The following MACROD2 variants were observed in gnomAD, a reference collection of about 807,000 sequenced individuals.
MACROD2 encodes mono-ADP ribosylhydrolase 2, also known as ADP-ribose glycohydrolase MACROD2.
In MACROD2, 36 loss-of-function variants were observed where a neutral mutation model predicts 70.4. The observed-to-expected ratio is 0.51, with a 90% confidence interval of 0.39 to 0.68. MACROD2 has a LOEUF of 0.68. Ranked by LOEUF, MACROD2 falls within the 30% of genes least tolerant of loss-of-function variation. The probability of loss-of-function intolerance (pLI) is 0.00; values close to 1 mark genes in which losing one functional copy is unlikely to be tolerated. For missense variants in MACROD2, 496 were observed against 538.4 expected, an observed-to-expected ratio of 0.92 and a Z score of 0.78; for synonymous variants, 172 against 178.8, an observed-to-expected ratio of 0.96 and a Z score of 0.30.
intron 7 of MACROD2, among the ~76,000 whole-genome samples, chr20:15,491,438 A>G: frequency 6.6e-6 from 1 of 152,226 alleles, no homozygotes; most frequent in South Asian, 2.1e-4. Context: ...ACCCCCAAAA[A>G]GCAGATTTAA....
chr20:15,158,946 A>G (rs964650255), intron 5 of MACROD2, among the ~76,000 whole-genome samples: 4 of 152,048 alleles, frequency 2.6e-5, no homozygotes, highest in African/African-American at 7.2e-5. Context: ...TTTTCCTTTA[A>G]TCTCCATTTC....
At chr20:15,857,501 G>A (rs2064370580) in intron 8 of MACROD2, among the ~76,000 whole-genome samples, 1 of 152,192 alleles carries the variant, frequency 6.6e-6, no homozygotes, top group Non-Finnish European at 1.5e-5. Context: ...AGAACATGTG[G>A]CAGAAGAACC....
At chr20:14,679,262 C>T (rs2070900265) in intron 4 of MACROD2, among the ~76,000 whole-genome samples, 1 of 152,070 alleles carries the variant, frequency 6.6e-6, no homozygotes, top group Non-Finnish European at 1.5e-5. Flanking sequence ...AAAGAGAAAA[C>T]ATTTGAAATA....
chr20:14,057,429 C>A (rs190037880), intron 2 of MACROD2, among the ~76,000 whole-genome samples: 22 of 152,186 alleles, frequency 1.4e-4, no homozygotes, highest in African/African-American at 5.3e-4. Context: ...GGACAGACAA[C>A]CCAATAGAAT....
chr20:15,702,989 C>CAA (rs2146900156), intron 8 of MACROD2, among the ~76,000 whole-genome samples: 1 of 152,216 alleles, frequency 6.6e-6, no homozygotes, highest in South Asian at 2.1e-4. Flanking sequence ...AAGCCACACA[C>CAA]CTGCAATTAA....
intron 15 of MACROD2, among the ~76,000 whole-genome samples, chr20:16,023,473 C>CA (rs60347463): frequency 0.54 from 38,554 of 71,242 alleles, 10,977 homozygotes; most frequent in Middle Eastern, 0.69. Flanking sequence ...GACTCCATCT[C>CA]AAAAAAAAAA....
intron 16 of MACROD2, 82 bp from the exon 17 acceptor site, chr20:16,044,489 T>C (rs1046821882): frequency 3.5e-6 from 4 of 1,157,766 alleles, no homozygotes; most frequent in Admixed American, 2.1e-5. Context: ...ATCAGGAAAG[T>C]ATCAAATCAT....
intron 3 of MACROD2, among the ~76,000 whole-genome samples, chr20:14,189,773 C>T (rs965740664): frequency 1.3e-5 from 2 of 152,134 alleles, no homozygotes; most frequent in African/African-American, 4.8e-5. Flanking sequence ...GATCTCTCAA[C>T]TGTATTCTAT....
At chr20:15,048,496 C>T (rs528818060) in intron 5 of MACROD2, among the ~76,000 whole-genome samples, 1 of 151,776 alleles carries the variant, frequency 6.6e-6, no homozygotes, top group African/African-American at 2.4e-5. Flanking sequence ...ATCTACGTGC[C>T]TACCTTACAG....
At chr20:14,301,549 T>G (rs1222296715) in intron 3 of MACROD2, among the ~76,000 whole-genome samples, 1 of 152,168 alleles carries the variant, frequency 6.6e-6, no homozygotes, top group Non-Finnish European at 1.5e-5. Flanking sequence ...AAAAATGTTC[T>G]TTTGAATTTC....
chr20:14,981,472 G>A (rs1288536515), intron 5 of MACROD2, among the ~76,000 whole-genome samples: 2 of 151,114 alleles, frequency 1.3e-5, no homozygotes, highest in Non-Finnish European at 2.9e-5. Flanking sequence ...GTGTCTGTGT[G>A]TGTGTCGGTG....
intron 8 of MACROD2, among the ~76,000 whole-genome samples, chr20:15,503,460 A>C (rs943443114): frequency 1.9e-4 from 29 of 152,242 alleles, no homozygotes; most frequent in African/African-American, 6.8e-4. Context: ...TGCTTGCAAG[A>C]AAAAGGAATA....
chr20:15,383,764 T>C (rs1485964754), intron 6 of MACROD2, among the ~76,000 whole-genome samples: 2 of 152,230 alleles, frequency 1.3e-5, no homozygotes, highest in Non-Finnish European at 2.9e-5. Flanking sequence ...AGTTTCATGT[T>C]GACAGAAACA....
chr20:14,821,904 C>T (rs140522828), intron 5 of MACROD2, among the ~76,000 whole-genome samples: 78 of 152,124 alleles, frequency 5.1e-4, no homozygotes, highest in African/African-American at 1.6e-3. Flanking sequence ...GTAAGGGCTG[C>T]CTGATCTTAT....
chr20:15,718,016 C>A (rs2050730529), intron 8 of MACROD2, among the ~76,000 whole-genome samples: 1 of 137,924 alleles, frequency 7.3e-6, no homozygotes, highest in Non-Finnish European at 1.5e-5. Flanking sequence ...TGTGTTTTCT[C>A]TCTTTTTTTT....
intron 3 of MACROD2, among the ~76,000 whole-genome samples, chr20:14,404,639 A>T (rs2083674289): frequency 6.6e-6 from 1 of 152,088 alleles, no homozygotes; most frequent in African/African-American, 2.4e-5. Context: ...GAAAAACCTT[A>T]GTGGAACTGC....
At chr20:14,100,507 G>A (rs1482991499) in intron 3 of MACROD2, among the ~76,000 whole-genome samples, 3 of 148,406 alleles carry the variant, frequency 2.0e-5, no homozygotes, top group African/African-American at 7.4e-5. Context: ...ATATAGAATA[G>A]TATAAAGAAG....
chr20:15,168,784 C>T (rs2076403776), intron 5 of MACROD2, among the ~76,000 whole-genome samples: 1 of 151,936 alleles, frequency 6.6e-6, no homozygotes, highest in African/African-American at 2.4e-5. Flanking sequence ...GAATTTGAGA[C>T]CAGCCTAGGC....
intron 4 of MACROD2, among the ~76,000 whole-genome samples, chr20:14,594,030 C>A (rs1225226713): frequency 6.6e-6 from 1 of 152,120 alleles, no homozygotes; most frequent in Non-Finnish European, 1.5e-5. Context: ...CTAAGACTCT[C>A]AAACAGATAA....
Sources: gnomAD v4.1 joint callset for allele counts (sites outside exome capture counted in the v4.1 genomes callset) on GRCh38, gnomAD v4.1.1 for gene constraint, MANE v1.5 for transcripts, NCBI Gene and HGNC (gene_info 2026-07-23, HGNC 2026-07-21) for gene names.